EYA4: variants seen among roughly 807,000 people sequenced by gnomAD.
EYA4 encodes EYA transcriptional coactivator and phosphatase 4, also known as protein phosphatase EYA4.
EYA4 carries 31 observed loss-of-function variants against 87.9 expected under a neutral mutation model. That is an observed-to-expected ratio of 0.35 (90% CI 0.27 to 0.48). EYA4 has a LOEUF of 0.48. EYA4 is among the 20% of genes least tolerant of loss of function. EYA4 has a pLI of 0.99. For missense variants in EYA4, 678 were observed against 761.4 expected (o/e 0.89, Z 1.29); for synonymous variants, 263 against 270.6 (o/e 0.97, Z 0.28).
At chr6:133,402,212 T>C (rs1219614129) in intron 3 of EYA4, among the ~76,000 whole-genome samples, 1 of 151,724 alleles carries the variant, frequency 6.6e-6, no homozygotes, top group East Asian at 2.0e-4. Context: ...CATTGTAGAA[T>C]TGTAAAATTA....
At chr6:133,456,840 T>C (rs375222683) in intron 6 of EYA4, among the ~76,000 whole-genome samples, 192 bp downstream of exon 6, 5 of 152,198 alleles carry the variant, frequency 3.3e-5, no homozygotes, top group African/African-American at 9.6e-5. Flanking sequence ...TAGAATAATT[T>C]CGCTTGATAT....
At chr6:133,317,228 C>T (rs946000821) in intron 2 of EYA4, among the ~76,000 whole-genome samples, 1 of 152,172 alleles carries the variant, frequency 6.6e-6, no homozygotes, top group African/African-American at 2.4e-5. Context: ...GCTCGTAGCA[C>T]AAACCTGTAA....
intron 2 of EYA4, among the ~76,000 whole-genome samples, chr6:133,319,396 A>T (rs1230882107): frequency 6.6e-6 from 1 of 151,858 alleles, no homozygotes; most frequent in Admixed American, 6.6e-5. Flanking sequence ...TTTTTTTCTT[A>T]CTTCATAGCT....
At chr6:133,369,117 A>T (rs187240699) in intron 2 of EYA4, among the ~76,000 whole-genome samples, 1 of 152,220 alleles carries the variant, frequency 6.6e-6, no homozygotes, top group Non-Finnish European at 1.5e-5. Context: ...AAATGAGTTT[A>T]ATCTTTCTTT....
At chr6:133,252,979 ACACACACACACT>A (rs1188145235) in intron 1 of EYA4, among the ~76,000 whole-genome samples, 4 of 98,374 alleles carry the variant, frequency 4.1e-5, no homozygotes, top group South Asian at 3.3e-4. Flanking sequence ...ACACACACAC[ACACACACACACT>A]CACTCTCTCT....
chr6:133,385,313 A>G (rs1258269633), intron 3 of EYA4, among the ~76,000 whole-genome samples: 1 of 145,028 alleles, frequency 6.9e-6, no homozygotes, highest in South Asian at 2.1e-4. Context: ...AAAAAAAAAA[A>G]AAACCCACAA....
intron 1 of EYA4, among the ~76,000 whole-genome samples, chr6:133,259,976 G>A (rs1399806384): frequency 6.6e-6 from 1 of 152,140 alleles, no homozygotes; most frequent in Non-Finnish European, 1.5e-5. Context: ...TTCTTTAGAT[G>A]TATCTAATTT....
intron 2 of EYA4, among the ~76,000 whole-genome samples, chr6:133,359,508 A>C (rs538165937): frequency 6.6e-5 from 10 of 152,038 alleles, no homozygotes; most frequent in Non-Finnish European, 1.5e-4. Flanking sequence ...CAATTCCCTT[A>C]TCTGTTTTTG....
intron 2 of EYA4, among the ~76,000 whole-genome samples, chr6:133,282,323 T>A (rs927636495): frequency 6.6e-6 from 1 of 152,222 alleles, no homozygotes; most frequent in Non-Finnish European, 1.5e-5. Flanking sequence ...GGTTCTGATT[T>A]GCACTTCTCT....
intron 11 of EYA4, among the ~76,000 whole-genome samples, chr6:133,472,926 T>C (rs1340792193): frequency 6.6e-6 from 1 of 151,602 alleles, no homozygotes; most frequent in Non-Finnish European, 1.5e-5. Context: ...CCCCTGCCTT[T>C]TTTTGTTTTC....
intron 2 of EYA4, among the ~76,000 whole-genome samples, chr6:133,307,777 C>T (rs75913704): frequency 8.5e-5 from 13 of 152,174 alleles, no homozygotes; most frequent in African/African-American, 1.9e-4. Flanking sequence ...CCATTTTACC[C>T]GTGAGGAAAT....
Position 133,506,093 on chromosome 6 carries a change from A to G in EYA4, c.1192-13A>G, listed in dbSNP as rs754650520. The G allele has an allele frequency of 1.9e-6, 3 of 1,550,248 alleles. No individual in the cohort carries two copies. Among genetic ancestry groups the G allele is most frequent in the East Asian group, 4.5e-5 (2 of 44,606 alleles). ...TGAAATTTTACCTCATTATGTGTAC[A>G]TTTTCTTTACAGGATCCCCCCATGG... On this transcript the variant is annotated splice_polypyrimidine_tract_variant and intron_variant, in intron 13 of 19. Transcript: ENST00000355286.
At position 133,358,850 on chromosome 6, in the gene EYA4, G is replaced by A. The variant is rs1259300901; in HGVS notation, c.34-23542G>A. Among the ~76,000 whole-genome samples, 4 of 152,186 alleles carry A rather than the reference G, an allele frequency of 2.6e-5. No individual in the cohort carries two copies. The South Asian group carries it at 6.2e-4, about 24-fold the overall frequency. The stretch of plus-strand genomic sequence containing the variant: ...ATAACTGCTAAGAAGAAAAACAAGA[G>A]GGCACTATGAGAAGAAACAGAGGGG... On this transcript the variant is annotated intron_variant, in intron 2 of 19. Transcript: ENST00000355286.
intron 2 of EYA4, among the ~76,000 whole-genome samples, chr6:133,294,463 G>A (rs1045656971): frequency 1.3e-5 from 2 of 150,308 alleles, no homozygotes; most frequent in Non-Finnish European, 3.0e-5. Flanking sequence ...CTGGGTTCAG[G>A]TGGTCGTCCC....
At chr6:133,462,055 C>T in intron 7 of EYA4, 1 of 436,332 alleles carries the variant, frequency 2.3e-6, no homozygotes, top group South Asian at 2.1e-5. Context: ...AATTGTAGAC[C>T]TGGAAGAGAC....
At chr6:133,280,317 A>G (rs551579682) in intron 2 of EYA4, among the ~76,000 whole-genome samples, 1 of 152,358 alleles carries the variant, frequency 6.6e-6, no homozygotes, top group East Asian at 1.9e-4. Context: ...CTGAAGTTAC[A>G]AAGTAGATGC....
chr6:133,358,975 G>A (rs537522046), intron 2 of EYA4, among the ~76,000 whole-genome samples: 9 of 152,240 alleles, frequency 5.9e-5, no homozygotes, highest in East Asian at 1.9e-4. Flanking sequence ...TACAGAATGT[G>A]GGGGAGAGGA....
intron 3 of EYA4, among the ~76,000 whole-genome samples, chr6:133,432,144 C>T (rs1214850924): frequency 1.3e-5 from 2 of 152,106 alleles, no homozygotes; most frequent in Non-Finnish European, 2.9e-5. Flanking sequence ...CCAGCATATG[C>T]ATTGTCATCC....
At chr6:133,350,906 T>C (rs1244409926) in intron 2 of EYA4, among the ~76,000 whole-genome samples, 2 of 152,102 alleles carry the variant, frequency 1.3e-5, no homozygotes, top group African/African-American at 4.8e-5. Flanking sequence ...TATGATAATA[T>C]CAATTATCAA....
Sources: allele counts gnomAD v4.1 joint callset (sites outside exome capture counted in the v4.1 genomes callset), GRCh38; gene constraint gnomAD v4.1.1; transcripts MANE v1.5; gene names NCBI Gene and HGNC (gene_info 2026-07-23, HGNC 2026-07-21).